DPP6: variants seen among roughly 807,000 people sequenced by gnomAD.
DPP6 encodes the protein A-type potassium channel modulatory protein DPP6.
A neutral mutation model predicts 122.6 loss-of-function variants in DPP6; 69 were observed. The ratio of observed to expected loss-of-function variants is 0.56; its 90% CI spans 0.46 to 0.69. The LOEUF (loss-of-function observed/expected upper bound fraction) is 0.69. Among genes scored for constraint, DPP6 ranks in the 30% least tolerant of loss-of-function variants. DPP6 has a pLI of 0.00. For synonymous variants in DPP6, 418 were observed against 433.1 expected, an observed-to-expected ratio of 0.97 and a Z score of 0.43; for missense variants, 928 against 1,116.9, an observed-to-expected ratio of 0.83 and a Z score of 2.41.
chr7:154,472,206 T>C lies in DPP6; in HGVS notation c.359-2733T>C, dbSNP rs1586376733. 2.0e-5 allele frequency among the ~76,000 whole-genome samples: 3 copies of C among 152,242 alleles called. No individual in the cohort carries two copies. In the South Asian group the frequency reaches 6.2e-4, roughly 31 times the overall value. The stretch of plus-strand genomic sequence containing the variant: ...ATATTACTGACTGTTAAGCAGAATT[T>C]TTAAAGAAAATCCACAAGTGGACAT... On this transcript the variant is annotated intron_variant, in intron 2 of 25. Coordinates refer to ENST00000377770, the MANE Select transcript of DPP6 (RefSeq NM_130797.4).
intron 1 of DPP6, among the ~76,000 whole-genome samples, chr7:154,233,900 A>G (rs1452910347): frequency 6.6e-6 from 1 of 152,248 alleles, no homozygotes; most frequent in Non-Finnish European, 1.5e-5. Context: ...GATGATGCTC[A>G]TGACTACAGA....
chr7:154,647,792 G>T (rs539076868), intron 6 of DPP6, among the ~76,000 whole-genome samples: 1 of 152,154 alleles, frequency 6.6e-6, no homozygotes, highest in Non-Finnish European at 1.5e-5. Context: ...GAATCAGCAC[G>T]CGTGTTGAAC....
At position 154,315,417 on chromosome 7, in the gene DPP6, T is replaced by C. The variant is rs554492737; in HGVS notation, c.244-130797T>C. Among the ~76,000 whole-genome samples the C allele has an allele frequency of 8.5e-5, 13 of 152,240 alleles. No individual in the cohort carries two copies. In the South Asian group the frequency reaches 2.5e-3, roughly 29 times the overall value. ...ACTTTTGAGGATCTGATGAAAGCCA[T>C]AGGACTGCTTGCCAGAAAAATCCCT... On this transcript the variant is annotated intron_variant, in intron 1 of 25. Transcript: ENST00000377770.
intron 1 of DPP6, among the ~76,000 whole-genome samples, chr7:153,925,028 G>C (rs1201490157): frequency 1.3e-5 from 2 of 152,176 alleles, no homozygotes; most frequent in African/African-American, 4.8e-5. Context: ...GGTCTTCCAG[G>C]GCCAGGTCAG....
rs1277460998 is a variant in DPP6 at position 154,062,939 on chromosome 7, G to A, written c.243+9876G>A. Among the ~76,000 whole-genome samples, 11 of 134,608 alleles carry A rather than the reference G, an allele frequency of 8.2e-5. 1 individual carries two copies. The highest frequency in any genetic ancestry group is 2.7e-4 in the South Asian group (1 of 3,714). 88.3% of individuals were successfully genotyped at this position (134,608 alleles called of 152,430 possible). A position where few individuals can be genotyped will look rare whatever the true frequency, so the allele number is the denominator to read the frequency against. On this transcript the variant is annotated intron_variant, in intron 1 of 25. Transcript: ENST00000377770. ...GAGGACTGTGGGTGTTAGTTGTCCA[G>A]GTAGAAATTTCAAATCTTCCGACGG...
intron 1 of DPP6, among the ~76,000 whole-genome samples, chr7:154,175,779 G>A (rs1199368491): frequency 6.8e-6 from 1 of 147,954 alleles, no homozygotes; most frequent in Non-Finnish European, 1.5e-5. Context: ...GAGTGCAGTG[G>A]CACGATCTCG....
chr7:154,000,882 G>A (rs1284103302), intron 1 of DPP6, among the ~76,000 whole-genome samples: 1 of 152,182 alleles, frequency 6.6e-6, no homozygotes, highest in Non-Finnish European at 1.5e-5. Flanking sequence ...CAGGCTTTAA[G>A]TCACATTGCT....
At chr7:154,574,681 GGTATA>G (rs1831388266) in intron 5 of DPP6, among the ~76,000 whole-genome samples, 1 of 108,672 alleles carries the variant, frequency 9.2e-6, no homozygotes, top group Admixed American at 1.0e-4. Context: ...TGGTGTGTGT[GGTATA>G]TGTATATGTG....
chr7:154,369,604 G>A (rs541263408), intron 1 of DPP6, among the ~76,000 whole-genome samples: 3 of 152,234 alleles, frequency 2.0e-5, no homozygotes, highest in Admixed American at 2.0e-4. Context: ...GACCTCTGGG[G>A]ATCCACCTGC....
the DPP6 span, among the ~76,000 whole-genome samples, chr7:153,789,863 A>G: frequency 1.5e-4 from 23 of 152,166 alleles, no homozygotes; most frequent in African/African-American, 5.3e-4. Context: ...ATTTCTCTAT[A>G]ACTTAGGGAA....
At chr7:154,087,687 G>A (rs372752612) in intron 1 of DPP6, among the ~76,000 whole-genome samples, 18 of 152,100 alleles carry the variant, frequency 1.2e-4, no homozygotes, top group African/African-American at 3.1e-4. Context: ...TTGCTGCCCC[G>A]TTCTTGCTTT....
At chr7:154,643,467 C>CTT (rs61520162) in intron 6 of DPP6, among the ~76,000 whole-genome samples, 13,387 of 117,328 alleles carry the variant, frequency 0.11, 812 homozygotes, top group East Asian at 0.19. Flanking sequence ...TGAGTAATTT[C>CTT]TTTTTTTTTT....
intron 5 of DPP6, among the ~76,000 whole-genome samples, chr7:154,626,353 A>T (rs1835065575): frequency 6.6e-6 from 1 of 152,196 alleles, no homozygotes; most frequent in South Asian, 2.1e-4. Context: ...TCACAAGTGA[A>T]ATTTTTATTG....
intron 1 of DPP6, chr7:154,093,977 C>T (rs1164462893): frequency 6.6e-6 from 1 of 152,052 alleles, no homozygotes; most frequent in Non-Finnish European, 1.5e-5. Context: ...TTCCTGCTAG[C>T]ATAAAAGAAT....
chr7:154,036,787 C>T (rs1433922058), intron 1 of DPP6, among the ~76,000 whole-genome samples: 3 of 152,054 alleles, frequency 2.0e-5, no homozygotes, highest in Non-Finnish European at 2.9e-5. Flanking sequence ...GGAAAAACAA[C>T]TGCGTATAGG....
At chr7:154,099,284 C>T (rs1205249216) in intron 1 of DPP6, among the ~76,000 whole-genome samples, 4 of 152,264 alleles carry the variant, frequency 2.6e-5, no homozygotes, top group Middle Eastern at 3.4e-3. Flanking sequence ...TGATTGAATG[C>T]CAAATATATT....
chr7:154,362,962 G>A (rs566730144), intron 1 of DPP6, among the ~76,000 whole-genome samples: 10 of 152,256 alleles, frequency 6.6e-5, no homozygotes, highest in East Asian at 1.9e-4. Context: ...GATGGTTCCC[G>A]TGCACATGAA....
intron 1 of DPP6, chr7:154,094,981 G>C (rs1454721899): frequency 6.6e-6 from 1 of 152,278 alleles, no homozygotes; most frequent in Non-Finnish European, 1.5e-5. Context: ...CTGCATGCAT[G>C]CTGCAGGAAT....
chr7:153,857,405 A>G, the DPP6 span, among the ~76,000 whole-genome samples: 1 of 147,068 alleles, frequency 6.8e-6, no homozygotes, highest in Admixed American at 7.0e-5. Context: ...TATGGTCAAC[A>G]TTTAAAGTGC....
Sources: gnomAD v4.1 joint callset for allele counts (sites outside exome capture counted in the v4.1 genomes callset) on GRCh38, gnomAD v4.1.1 for gene constraint, MANE v1.5 for transcripts, NCBI Gene and HGNC (gene_info 2026-07-23, HGNC 2026-07-21) for gene names.